PLA2G12B: variants seen among roughly 807,000 people sequenced by gnomAD.
PLA2G12B encodes group XIIB secretory phospholipase A2-like protein.
A neutral mutation model predicts 22.3 loss-of-function variants in PLA2G12B; 19 were observed. The ratio of observed to expected loss-of-function variants is 0.85; its 90% CI spans 0.60 to 1.25. PLA2G12B has a LOEUF of 1.25. Among genes scored for constraint, PLA2G12B ranks in the 50% most tolerant of loss-of-function variants. The pLI is 0.00. For missense variants in PLA2G12B, 191 were observed against 246.6 expected, an observed-to-expected ratio of 0.77 and a Z score of 1.51; for synonymous variants, 81 against 94.9, an observed-to-expected ratio of 0.85 and a Z score of 0.85.
chr10:72,950,689 A>G (rs766267095), intron 1 of PLA2G12B, among the ~76,000 whole-genome samples: 2 of 152,186 alleles, frequency 1.3e-5, no homozygotes, highest in Admixed American at 1.3e-4. Context: ...CATGCTGGCC[A>G]GGCTAGTCTC....
In PLA2G12B at chr10:72,954,710, T is replaced by G; in HGVS notation, c.-25A>C. On this transcript the variant is annotated 5_prime_UTR_variant, in exon 1 of 4. Transcript: ENST00000373032. ...TCCTGCAGCCAGGTAGGTACTGGCT[T>G]CTCTCCTCAAACCCCAGCCAGTGTC... 1 of 1,611,014 alleles carries G rather than the reference T, an allele frequency of 6.2e-7. No homozygotes were observed. Among genetic ancestry groups the G allele is most frequent in the Non-Finnish European group, 8.5e-7 (1 of 1,178,366 alleles).
chr10:72,945,348 G>T (rs1846423121), intron 1 of PLA2G12B, among the ~76,000 whole-genome samples: 1 of 152,116 alleles, frequency 6.6e-6, no homozygotes. Flanking sequence ...CACTCTAGGG[G>T]AAGTTATGTC....
intron 1 of PLA2G12B, 150 bp from the exon 2 acceptor site, chr10:72,942,890 G>C (rs1484085211): frequency 1.6e-6 from 1 of 639,310 alleles, no homozygotes; most frequent in Non-Finnish European, 2.6e-6. Flanking sequence ...TGATGATGAT[G>C]ATGATGATGT....
chr10:72,941,414 C>T, intron 2 of PLA2G12B, 80 bp from the exon 3 acceptor site: 1 of 1,400,052 alleles, frequency 7.1e-7, no homozygotes, highest in Non-Finnish European at 9.9e-7. Flanking sequence ...CCTTGCCCAC[C>T]TTGTTATTAA....
chr10:72,949,505 A>G (rs1361117612), intron 1 of PLA2G12B, among the ~76,000 whole-genome samples: 3 of 152,114 alleles, frequency 2.0e-5, no homozygotes, highest in African/African-American at 7.2e-5. Context: ...TAGTATACAT[A>G]TTATGTCTTT....
At chr10:72,946,287 C>T (rs1025463325) in intron 1 of PLA2G12B, among the ~76,000 whole-genome samples, 4 of 152,184 alleles carry the variant, frequency 2.6e-5, no homozygotes, top group African/African-American at 7.2e-5. Flanking sequence ...TGTATCAGTA[C>T]TTAAGTTCTT....
chr10:72,938,135 G>A (rs139286295), intron 3 of PLA2G12B, among the ~76,000 whole-genome samples: 47 of 148,538 alleles, frequency 3.2e-4, no homozygotes, highest in African/African-American at 1.0e-3. Flanking sequence ...AAAAAAGAAA[G>A]AAAGAAAGAA....
At position 72,943,951 on chromosome 10, in the gene PLA2G12B, GTTTC is replaced by G. The variant is rs754773602; in HGVS notation, c.212-1215_212-1212del. On this transcript the variant is annotated intron_variant, in intron 1 of 3. Transcript: ENST00000373032. ...AATCCTTAGAGTAAGGCATATGACA[GTTTC>G]TTTCTTTCTTTTCTTTCTTTCTTTT... Among the ~76,000 whole-genome samples the G allele has an allele frequency of 1.3e-4, 20 of 152,224 alleles. 1 individual carries two copies. In the South Asian group the frequency reaches 2.3e-3, roughly 17 times the overall value.
At chr10:72,937,899 T>C (rs1846302335) in intron 3 of PLA2G12B, among the ~76,000 whole-genome samples, 1 of 152,024 alleles carries the variant, frequency 6.6e-6, no homozygotes, top group Non-Finnish European at 1.5e-5. Flanking sequence ...TTTGGGAGGC[T>C]GAGGCAGGAG....
intron 3 of PLA2G12B, among the ~76,000 whole-genome samples, chr10:72,939,718 G>A (rs1180807261): frequency 6.6e-6 from 1 of 152,226 alleles, no homozygotes; most frequent in Non-Finnish European, 1.5e-5. Context: ...GGACAGTTCT[G>A]AGCCCACTGA....
At chr10:72,952,711 G>T (rs1295309777) in intron 1 of PLA2G12B, among the ~76,000 whole-genome samples, 1 of 152,154 alleles carries the variant, frequency 6.6e-6, no homozygotes, top group Non-Finnish European at 1.5e-5. Context: ...AGGCATAACC[G>T]CCTATTTTTC....
intron 2 of PLA2G12B, 79 bp from the exon 3 acceptor site, chr10:72,941,413 C>T: frequency 1.4e-6 from 2 of 1,403,710 alleles, no homozygotes; most frequent in Non-Finnish European, 9.8e-7. Flanking sequence ...ACCTTGCCCA[C>T]CTTGTTATTA....
intron 1 of PLA2G12B, 56 bp downstream of exon 1, chr10:72,954,419 G>T (rs3829126): frequency 0.11 from 175,545 of 1,606,122 alleles, 12,176 homozygotes; most frequent in East Asian, 0.29. Context: ...CCTCTCTGGG[G>T]CTGTCCATGG....
intron 1 of PLA2G12B, among the ~76,000 whole-genome samples, chr10:72,946,701 C>T (rs1049313924): frequency 6.6e-6 from 1 of 152,154 alleles, no homozygotes; most frequent in African/African-American, 2.4e-5. Flanking sequence ...TGTTGAGCAT[C>T]TTTTTATGTG....
At chr10:72,941,836 G>A (rs1307135208) in intron 2 of PLA2G12B, among the ~76,000 whole-genome samples, 2 of 151,768 alleles carry the variant, frequency 1.3e-5, no homozygotes, top group Admixed American at 1.3e-4. Flanking sequence ...GTGTGTGGGT[G>A]TGTGTGTTGG....
chr10:72,947,258 A>G (rs1363791092), intron 1 of PLA2G12B, among the ~76,000 whole-genome samples: 1 of 151,754 alleles, frequency 6.6e-6, no homozygotes, highest in African/African-American at 2.4e-5. Flanking sequence ...TTATTTTTTG[A>G]GACAGGGTCT....
At position 72,941,021 on chromosome 10, in the gene PLA2G12B, T is replaced by A. The variant is rs1343452545; in HGVS notation, c.466+148A>T. 3.4e-6 allele frequency: 3 copies of A among 889,158 alleles called. No homozygotes were observed. In the African/African-American group the frequency reaches 5.1e-5, roughly 15 times the overall value. The allele number at this position is 889,158 out of a possible 1,614,324, so 55.1% of individuals were successfully genotyped here. A position where few individuals can be genotyped will look rare whatever the true frequency, so the allele number is the denominator to read the frequency against. On this transcript the variant is annotated intron_variant, in intron 3 of 3. Transcript: ENST00000373032. Reference sequence around the variant, plus strand: ...TGAAGGAGTGCCCAGAATCTTTCCTTCACCATTTCTTGCTCAGCCACAGTG... The same window carrying A: ...TGAAGGAGTGCCCAGAATCTTTCCTACACCATTTCTTGCTCAGCCACAGTG...
intron 1 of PLA2G12B, among the ~76,000 whole-genome samples, chr10:72,945,532 G>A (rs1846425963): frequency 1.3e-5 from 2 of 152,146 alleles, no homozygotes; most frequent in South Asian, 2.1e-4. Context: ...GCCCAGCAAA[G>A]CCACTCCAGG....
At chr10:72,950,204 A>G (rs1771671136) in intron 1 of PLA2G12B, among the ~76,000 whole-genome samples, 1 of 152,148 alleles carries the variant, frequency 6.6e-6, no homozygotes, top group Admixed American at 6.5e-5. Context: ...TCCCGGTGTT[A>G]GTACTGAAAG....
Sources: allele counts gnomAD v4.1 joint callset (sites outside exome capture counted in the v4.1 genomes callset), GRCh38; gene constraint gnomAD v4.1.1; transcripts MANE v1.5; gene names NCBI Gene and HGNC (gene_info 2026-07-23, HGNC 2026-07-21).